The following PLAGL2 variants were observed in gnomAD, a reference collection of about 807,000 sequenced individuals.
PLAGL2 encodes the protein PLAG1 like zinc finger 2.
In PLAGL2, 7 loss-of-function variants were observed where a neutral mutation model predicts 29.0. The observed-to-expected ratio is 0.24, with a 90% confidence interval of 0.14 to 0.45. PLAGL2 has a LOEUF of 0.45. Among genes scored for constraint, PLAGL2 ranks in the 20% least tolerant of loss-of-function variants. PLAGL2 has a pLI of 0.99. For missense variants in PLAGL2, 454 were observed against 648.2 expected (o/e 0.70, Z 3.25); for synonymous variants, 234 against 266.0 (o/e 0.88, Z 1.17).
At chr20:32,204,505 T>C (rs1241724026) in intron 1 of PLAGL2, among the ~76,000 whole-genome samples, 1 of 152,186 alleles carries the variant, frequency 6.6e-6, no homozygotes, top group Admixed American at 6.5e-5. Context: ...TGTGCTCACC[T>C]TGATCTGCTT....
At chr20:32,200,540 C>T (rs2047253812) in intron 2 of PLAGL2, among the ~76,000 whole-genome samples, 1 of 151,724 alleles carries the variant, frequency 6.6e-6, no homozygotes, top group Non-Finnish European at 1.5e-5. Context: ...TATCTCATTT[C>T]TAAAGGGCAA....
chr20:32,197,793 G>T lies in PLAGL2; in HGVS notation c.261-111C>A. 1.2e-6 allele frequency: 1 copy of T among 864,134 alleles called. No individual in the cohort carries two copies. Among genetic ancestry groups the T allele is most frequent in the Non-Finnish European group, 1.8e-6 (1 of 557,042 alleles). 53.5% of individuals were successfully genotyped at this position (864,134 alleles called of 1,614,324 possible). ...CAGGAAACTAGATATAAAAACCATG[G>T]TAAAGGCTTGCAATGCAATACCAAA... On this transcript the variant is annotated intron_variant, in intron 2 of 2. Transcript: ENST00000246229. The surrounding 1 kb of genome is among the most constrained non-coding windows in gnomAD (Gnocchi z 6.6).
At chr20:32,200,472 T>C (rs1453573632) in intron 2 of PLAGL2, among the ~76,000 whole-genome samples, 1 of 152,184 alleles carries the variant, frequency 6.6e-6, no homozygotes, top group East Asian at 1.9e-4. Context: ...GTGATCCGCC[T>C]GCCTTGGCCT....
rs552596692 is a variant in PLAGL2 at position 32,195,878 on chromosome 20, A to G, written c.*574T>C. On this transcript the variant is annotated 3_prime_UTR_variant, in exon 3 of 3. Transcript: ENST00000246229. ...TGTCTGAGGTGACTGTGTAAACGGT[A>G]CCGTTGCTGGACAACACTGACTGAA... 1 of 152,880 alleles carries G rather than the reference A, an allele frequency of 6.5e-6. No individual in the cohort carries two copies. Among genetic ancestry groups the G allele is most frequent in the African/African-American group, 2.4e-5 (1 of 41,582 alleles). The allele number at this position is 152,880 out of a possible 1,614,324, so 9.5% of individuals were successfully genotyped here. A position where few individuals can be genotyped will look rare whatever the true frequency, so the allele number is the denominator to read the frequency against.
intron 1 of PLAGL2, among the ~76,000 whole-genome samples, chr20:32,203,264 G>A (rs992725948): frequency 6.6e-6 from 1 of 152,228 alleles, no homozygotes; most frequent in Non-Finnish European, 1.5e-5. Flanking sequence ...GACCAACCTA[G>A]GCCCAGGTAG....
At chr20:32,203,845 G>A (rs1385025276) in intron 1 of PLAGL2, among the ~76,000 whole-genome samples, 3 of 152,132 alleles carry the variant, frequency 2.0e-5, no homozygotes, top group African/African-American at 4.8e-5. Flanking sequence ...TGATAAACAC[G>A]TCCCCATCAC....
At chr20:32,199,900 T>C (rs181274013) in intron 2 of PLAGL2, among the ~76,000 whole-genome samples, 13 of 152,184 alleles carry the variant, frequency 8.5e-5, no homozygotes, top group African/African-American at 2.4e-4. Flanking sequence ...CCTTAACTTA[T>C]AGGAGCACAC....
At chr20:32,201,865 G>A in intron 2 of PLAGL2, 54 bp downstream of exon 2, 1 of 1,513,190 alleles carries the variant, frequency 6.6e-7, no homozygotes, top group Non-Finnish European at 9.0e-7. Flanking sequence ...GAGTCTCTCT[G>A]CTTTTTCCCT....
chr20:32,200,647 G>C (rs910158672), intron 2 of PLAGL2, among the ~76,000 whole-genome samples: 1 of 152,064 alleles, frequency 6.6e-6, no homozygotes, highest in Admixed American at 6.5e-5. Flanking sequence ...CTGGAGTACA[G>C]TGGCACAATC....
At chr20:32,202,879 G>A (rs1325230439) in intron 1 of PLAGL2, among the ~76,000 whole-genome samples, 1 of 152,180 alleles carries the variant, frequency 6.6e-6, no homozygotes, top group Non-Finnish European at 1.5e-5. Flanking sequence ...TCAACATCAG[G>A]AGGGTCTATA....
chr20:32,193,231 C>CT lies in PLAGL2; in HGVS notation c.*3220dup, dbSNP rs2047210116. The CT allele has an allele frequency of 6.6e-6, 1 of 152,066 alleles. No individual in the cohort carries two copies. The highest frequency in any genetic ancestry group is 2.4e-5 in the African/African-American group (1 of 41,388). The allele number at this position is 152,066 out of a possible 1,614,324, so 9.4% of individuals were successfully genotyped here. ...GGTGGAGAGAGGACGGAGAAAACAGCTACCAAAAAGGGAGGGGGGAGTTTA... is the reference window on the plus strand; with the variant it reads ...GGTGGAGAGAGGACGGAGAAAACAGCTTACCAAAAAGGGAGGGGGGAGTTTA... On this transcript the variant is annotated 3_prime_UTR_variant, in exon 3 of 3. Transcript: ENST00000246229.
intron 2 of PLAGL2, among the ~76,000 whole-genome samples, chr20:32,198,461 C>T (rs1349045671): frequency 2.0e-5 from 3 of 152,168 alleles, no homozygotes; most frequent in South Asian, 4.2e-4. Flanking sequence ...AACAACATAG[C>T]GAGACCTTGT....
Position 32,197,402 on chromosome 20 carries a change from G to T in PLAGL2, c.541C>A (p.Arg181=). ...LLEHLKAHSR[R]VAGGAKEKKH... Reference sequence around the variant, plus strand: ...TTCTCCTTGGCACCGCCTGCTACCCGGCGTGAGTGGGCCTTCAGGTGCTCT... The same window carrying T: ...TTCTCCTTGGCACCGCCTGCTACCCTGCGTGAGTGGGCCTTCAGGTGCTCT... The change falls in exon 3 of 3, where the codon CGG becomes AGG. Residue 181 remains arginine (R), a synonymous_variant. Transcript: ENST00000246229. The surrounding 1 kb of genome is among the most constrained non-coding windows in gnomAD (Gnocchi z 6.6). 5.0e-6 allele frequency: 8 copies of T among 1,611,838 alleles called. No homozygotes were observed. The highest frequency in any genetic ancestry group is 6.8e-6 in the Non-Finnish European group (8 of 1,179,658).
At chr20:32,200,731 C>A (rs1169537379) in intron 2 of PLAGL2, among the ~76,000 whole-genome samples, 1 of 152,164 alleles carries the variant, frequency 6.6e-6, no homozygotes, top group Non-Finnish European at 1.5e-5. Flanking sequence ...GCTGGGACTA[C>A]AGGCATGTGC....
chr20:32,203,606 C>T lies in PLAGL2; in HGVS notation c.-114-1314G>A, dbSNP rs570735687. On this transcript the variant is annotated intron_variant, in intron 1 of 2. Transcript: ENST00000246229. ...AAAGGGGGTGTCTGGGGATTATCCA[C>T]GAGAATCTGGGGAGGGCTCCAACTG... Among the ~76,000 whole-genome samples the T allele has an allele frequency of 1.1e-4, 16 of 152,192 alleles. No homozygotes were observed. The South Asian group carries it at 2.1e-3, about 20-fold the overall frequency.
chr20:32,196,560 TG>T lies in PLAGL2; in HGVS notation c.1382del (p.Pro461GlnfsTer7). 6.5e-7 allele frequency: 1 copy of T among 1,543,672 alleles called. No homozygotes were observed. The highest frequency in any genetic ancestry group is 2.1e-5 in the Admixed American group (1 of 46,958). The part of the protein sequence containing the change: ...TTLQAQPQDS[P>X]GAGGPLNFGP... ...CAAAGTTCAGTGGTCCCCCAGCTCC[TG>T]GGGAATCTTGAGGCTGAGCTTGCAA... On this transcript the variant is annotated frameshift_variant, in exon 3 of 3. Coordinates refer to ENST00000246229, the MANE Select transcript of PLAGL2 (RefSeq NM_002657.3). LOFTEE classifies it high-confidence loss of function.
At chr20:32,203,448 CAA>C (rs2047269811) in intron 1 of PLAGL2, among the ~76,000 whole-genome samples, 1 of 152,342 alleles carries the variant, frequency 6.6e-6, no homozygotes, top group African/African-American at 2.4e-5. Context: ...CAAAAGGGGA[CAA>C]GAGACCCACA....
In PLAGL2 at chr20:32,207,702, C is replaced by T. The variant is rs1197096329; in HGVS notation, c.-176G>A. 3.6e-6 allele frequency: 1 copy of T among 279,542 alleles called. No homozygotes were observed. Among genetic ancestry groups the T allele is most frequent in the South Asian group, 1.5e-4 (1 of 6,474 alleles). The allele number at this position is 279,542 out of a possible 1,614,324, so 17.3% of individuals were successfully genotyped here. ...TCGGGCTCCGCCAGGCCCCCTCAGGCCCCGGTAGTGGCGGCGGTCGGGCCA... is the reference window on the plus strand; with the variant it reads ...TCGGGCTCCGCCAGGCCCCCTCAGGTCCCGGTAGTGGCGGCGGTCGGGCCA... On this transcript the variant is annotated 5_prime_UTR_variant, in exon 1 of 3. Transcript: ENST00000246229.
chr20:32,197,535 G>A lies in PLAGL2; in HGVS notation c.408C>T (p.Tyr136=), dbSNP rs754536804. 1.5e-5 allele frequency: 25 copies of A among 1,614,234 alleles called. No individual in the cohort carries two copies. The highest frequency in any genetic ancestry group is 1.7e-4 in the Middle Eastern group (1 of 6,058). ...ALHCSECGKN[Y]NTKLGYRRHL... ...GGCGCCGGTAGCCCAGCTTCGTATT[G>A]TAATTCTTACCGCACTCAGAGCAGT... The change falls in exon 3 of 3, where the codon TAC becomes TAT. Residue 136 remains tyrosine, a synonymous_variant. Transcript: ENST00000246229. This position sits in a 1 kb window ranked among gnomAD's most constrained non-coding sequence, Gnocchi z 6.6.
Sources: gnomAD v4.1 joint callset for allele counts (sites outside exome capture counted in the v4.1 genomes callset) on GRCh38, gnomAD v4.1.1 for gene constraint, Gnocchi (gnomAD v3.1) non-coding constraint, MANE v1.5 for transcripts, NCBI Gene and HGNC (gene_info 2026-07-23, HGNC 2026-07-21) for gene names.